USP22: variants seen among roughly 807,000 people sequenced by gnomAD.
USP22 encodes the protein ubiquitin specific peptidase 22.
A neutral mutation model predicts 68.1 loss-of-function variants in USP22; 22 were observed. That is an observed-to-expected ratio of 0.32 (90% CI 0.23 to 0.46). The LOEUF (loss-of-function observed/expected upper bound fraction) is 0.46. Among genes scored for constraint, USP22 ranks in the 20% least tolerant of loss-of-function variants. USP22 has a pLI of 1.00. For synonymous variants in USP22, 279 were observed against 274.2 expected, an observed-to-expected ratio of 1.02 and a Z score of -0.17; for missense variants, 433 against 695.8, an observed-to-expected ratio of 0.62 and a Z score of 4.25.
chr17:21,030,954 T>G (rs1972282434), intron 1 of USP22, among the ~76,000 whole-genome samples: 1 of 152,224 alleles, frequency 6.6e-6, no homozygotes, highest in Admixed American at 6.5e-5. Flanking sequence ...ACTGTCCCAG[T>G]TCTTAGGAGG....
In USP22 at chr17:21,015,782, C is replaced by G. The variant is rs1914114155; in HGVS notation, c.808G>C (p.Ala270Pro). 2 of 1,613,488 alleles carry G rather than the reference C, an allele frequency of 1.2e-6. No individual in the cohort carries two copies. The highest frequency in any genetic ancestry group is 2.7e-5 in the African/African-American group (2 of 74,908). Reference sequence around the variant, plus strand: ...CAGTGTCGGTGGAGCACGTCCAGGGCCGCGATGAGGAACTCGTGGGCGTCC... The same window carrying G: ...CAGTGTCGGTGGAGCACGTCCAGGGGCGCGATGAGGAACTCGTGGGCGTCC... ...QQDAHEFLIA[A>P]LDVLHRHCKG... The change falls in exon 6 of 13, where the codon GCC becomes CCC. Residue 270 changes from alanine (A) to proline (P), a missense_variant. Transcript: ENST00000261497.
intron 3 of USP22, 38 bp downstream of exon 3, chr17:21,021,075 C>T: frequency 6.6e-7 from 1 of 1,518,858 alleles, no homozygotes; most frequent in Non-Finnish European, 9.1e-7. Context: ...CATGAGGGAA[C>T]TGCAGGATCA....
At chr17:21,011,385 G>A (rs963368391) in intron 7 of USP22, 76 bp from the exon 8 acceptor site, 28 of 1,517,890 alleles carry the variant, frequency 1.8e-5, no homozygotes, top group South Asian at 7.4e-5. Context: ...GGTGGAAGCC[G>A]TTCCCACATC....
chr17:21,004,611 G>A (rs531212786), intron 11 of USP22, among the ~76,000 whole-genome samples: 2 of 152,284 alleles, frequency 1.3e-5, no homozygotes, highest in South Asian at 4.1e-4. Flanking sequence ...TGGGGATCCT[G>A]GAACACCCCA....
chr17:21,004,439 C>G (rs1239149942), intron 11 of USP22, 88 bp from the exon 12 acceptor site: 1 of 1,544,178 alleles, frequency 6.5e-7, no homozygotes, highest in East Asian at 2.3e-5. Context: ...GCAGCCCAGG[C>G]AGGGAGCGGG....
chr17:21,010,381 A>T (rs1002695267), intron 8 of USP22, among the ~76,000 whole-genome samples: 2 of 151,814 alleles, frequency 1.3e-5, no homozygotes, highest in African/African-American at 4.8e-5. Flanking sequence ...ACTTAAATAC[A>T]TTTTTTTTTA....
In USP22 at chr17:21,018,117, C is replaced by T; in HGVS notation, c.521-6G>A. The T allele has an allele frequency of 2.5e-6, 4 of 1,574,654 alleles. No individual in the cohort carries two copies. Among genetic ancestry groups the T allele is most frequent in the Non-Finnish European group, 3.4e-6 (4 of 1,159,714 alleles). On this transcript the variant is annotated splice_region_variant and splice_polypyrimidine_tract_variant and intron_variant, in intron 4 of 12. Transcript: ENST00000261497. Reference sequence around the variant, plus strand: ...GTTGATCAGCCCACGCAGACCTGGACACAAATCACCAGAGAGCAGGAGTTA... The same window carrying T: ...GTTGATCAGCCCACGCAGACCTGGATACAAATCACCAGAGAGCAGGAGTTA...
chr17:21,007,966 G>A lies in USP22; in HGVS notation c.1134C>T (p.Ser378=), dbSNP rs773331562. The change falls in exon 9 of 13, where the codon AGC becomes AGT. Residue 378 remains serine, a synonymous_variant. Transcript: ENST00000261497. ...RFTRPEHLGS[S]AKIKCSGCHS... is the part of the protein sequence containing the mutation. ...GGCAACCGCTGCACTTGATCTTGGC[G>A]CTGCTGCCCAAGTGCTCTGGTCTGG... The A allele has an allele frequency of 4.3e-6, 7 of 1,614,104 alleles. No individual in the cohort carries two copies. The highest frequency in any genetic ancestry group is 3.3e-5 in the South Asian group (3 of 91,084).
In USP22 at chr17:21,000,395, C is replaced by A. The variant is rs148990901; in HGVS notation, c.*2636G>T. On this transcript the variant is annotated 3_prime_UTR_variant, in exon 13 of 13. Coordinates refer to ENST00000261497, the MANE Select transcript of USP22 (RefSeq NM_015276.2). ...CTGTGAGCAGCTCTTCAGCAGCAGG[C>A]ATCAGGTAACTGCTTAGAACGGCAA... 4.2e-3 allele frequency: 646 copies of A among 152,478 alleles called. 4 individuals are homozygous for A. The highest frequency in any genetic ancestry group is 6.8e-3 in the Non-Finnish European group (462 of 68,100). 9.4% of individuals were successfully genotyped at this position (152,478 alleles called of 1,614,324 possible). A position where few individuals can be genotyped will look rare whatever the true frequency, so the allele number is the denominator to read the frequency against.
At chr17:21,021,764 G>A (rs1398850400) in intron 2 of USP22, among the ~76,000 whole-genome samples, 2 of 152,198 alleles carry the variant, frequency 1.3e-5, no homozygotes, top group Non-Finnish European at 2.9e-5. Flanking sequence ...CTGCCTGAAG[G>A]TGGGTCTTCT....
intron 11 of USP22, 135 bp downstream of exon 11, chr17:21,004,793 G>C: frequency 1.1e-6 from 1 of 889,764 alleles, no homozygotes. Context: ...GCAGCCAATA[G>C]TGGAGCTGCG....
At chr17:21,006,850 G>C in intron 10 of USP22, 46 bp downstream of exon 10, 1 of 1,483,520 alleles carries the variant, frequency 6.7e-7, no homozygotes, top group East Asian at 2.4e-5. Context: ...GTCCTGATAG[G>C]ATCACAGCCC....
Position 21,017,991 on chromosome 17 carries a change from T to C in USP22, c.641A>G (p.Gln214Arg). ...FLSDRHRCEM[Q>R]SPSSCLVCEM... The stretch of plus-strand genomic sequence containing the variant: ...ACAGACCAGACAGGAGCTGGGGCTC[T>C]GCATCTCACAGCGGTGCCTGTCAGA... The change falls in exon 5 of 13, where the codon CAG becomes CGG. Residue 214 changes from glutamine to arginine, a missense_variant. Coordinates refer to ENST00000261497, the MANE Select transcript of USP22 (RefSeq NM_015276.2). 2 of 1,614,170 alleles carry C rather than the reference T, an allele frequency of 1.2e-6. No individual in the cohort carries two copies. Among genetic ancestry groups the C allele is most frequent in the Non-Finnish European group, 1.7e-6 (2 of 1,180,040 alleles).
intron 3 of USP22, among the ~76,000 whole-genome samples, chr17:21,020,713 C>T (rs1341897704): frequency 1.3e-5 from 2 of 152,218 alleles, no homozygotes; most frequent in Non-Finnish European, 2.9e-5. Flanking sequence ...GAGGGCAAAC[C>T]ACTCAGGGAT....
At chr17:21,011,913 A>G (rs2063124355) in intron 7 of USP22, among the ~76,000 whole-genome samples, 1 of 152,242 alleles carries the variant, frequency 6.6e-6, no homozygotes, top group South Asian at 2.1e-4. Context: ...AGGGACAGCG[A>G]GGAGGTCCAA....
chr17:21,023,136 A>G (rs1009869793), intron 2 of USP22, among the ~76,000 whole-genome samples: 43 of 152,260 alleles, frequency 2.8e-4, no homozygotes, highest in African/African-American at 1.0e-3. Context: ...ATTAGAACAC[A>G]TGGACACAAG....
intron 6 of USP22, among the ~76,000 whole-genome samples, chr17:21,013,649 A>G (rs1489112433): frequency 6.6e-6 from 1 of 152,230 alleles, no homozygotes; most frequent in Non-Finnish European, 1.5e-5. Flanking sequence ...ACAGAGGAAT[A>G]GAGAAGGGCC....
At chr17:21,026,939 C>T (rs892398658) in intron 2 of USP22, among the ~76,000 whole-genome samples, 1 of 151,920 alleles carries the variant, frequency 6.6e-6, no homozygotes, top group Non-Finnish European at 1.5e-5. Flanking sequence ...GTAGCTGGGA[C>T]TGCAGGCGTG....
chr17:21,018,277 A>C lies in USP22; in HGVS notation c.521-166T>G, dbSNP rs1972112567. The C allele has an allele frequency of 3.7e-5, 23 of 623,136 alleles. No homozygotes were observed. In the South Asian group the frequency reaches 5.2e-4, roughly 14 times the overall value. The allele number at this position is 623,136 out of a possible 1,614,324, so 38.6% of individuals were successfully genotyped here. On this transcript the variant is annotated intron_variant, in intron 4 of 12. Transcript: ENST00000261497. ...TTCTGCTAGTTTTTATGCCACTTTT[A>C]CATGAACGGTATTGAAGAATGTCCA...
Sources: gnomAD v4.1 joint callset for allele counts (sites outside exome capture counted in the v4.1 genomes callset) on GRCh38, gnomAD v4.1.1 for gene constraint, MANE v1.5 for transcripts, NCBI Gene and HGNC (gene_info 2026-07-23, HGNC 2026-07-21) for gene names.